The following SAMD5 variants were observed in gnomAD, a reference collection of about 807,000 sequenced individuals.
SAMD5 encodes sterile alpha motif domain-containing protein 5.
A neutral mutation model predicts 11.3 loss-of-function variants in SAMD5; 13 were observed. The observed-to-expected ratio is 1.15, with a 90% CI of 0.75 to 1.83. SAMD5 has a LOEUF of 1.83. Ranked by LOEUF, SAMD5 falls within the 40% of genes most tolerant of loss-of-function variation. The pLI, the probability that SAMD5 is intolerant of heterozygous loss-of-function variation, is 0.00. For synonymous variants in SAMD5, 129 were observed against 111.3 expected (o/e 1.16, Z -1.00); for missense variants, 255 against 239.1 (o/e 1.07, Z -0.44).
chr6:147,616,831 A>G (rs1789880523), intron 1 of SAMD5, among the ~76,000 whole-genome samples: 1 of 152,224 alleles, frequency 6.6e-6, no homozygotes, highest in Admixed American at 6.5e-5. Context: ...CTTTTAAACC[A>G]TCAGATTTTG....
chr6:147,751,081 C>T, the SAMD5 span, among the ~76,000 whole-genome samples: 5 of 152,300 alleles, frequency 3.3e-5, no homozygotes, highest in South Asian at 2.1e-4. Flanking sequence ...GACACATCTC[C>T]TTTCTGCTCC....
At chr6:147,656,602 A>G (rs10457815) in intron 1 of SAMD5, among the ~76,000 whole-genome samples, 42,481 of 152,144 alleles carry the variant, frequency 0.28, 7,299 homozygotes, top group Middle Eastern at 0.39. Context: ...GAAAGACAAC[A>G]TATGAAAAGA....
intron 1 of SAMD5, among the ~76,000 whole-genome samples, chr6:147,582,257 C>T (rs190775827): frequency 6.6e-6 from 1 of 151,724 alleles, no homozygotes; most frequent in Non-Finnish European, 1.5e-5. Context: ...TACTTGGCTA[C>T]CTGGGAGGCT....
chr6:147,578,716 G>A (rs1329820789), intron 1 of SAMD5, among the ~76,000 whole-genome samples: 1 of 152,020 alleles, frequency 6.6e-6, no homozygotes, highest in African/African-American at 2.4e-5. Flanking sequence ...CAAATATATG[G>A]CAGGTGTTAA....
At chr6:147,829,750 C>T in the SAMD5 span, among the ~76,000 whole-genome samples, 7,702 of 151,990 alleles carry the variant, frequency 0.051, 646 homozygotes, top group African/African-American at 0.17. Flanking sequence ...GTGGAGGCAG[C>T]CATGTGAGTT....
chr6:147,537,382 A>AT (rs1396913602), intron 1 of SAMD5, among the ~76,000 whole-genome samples: 8 of 152,214 alleles, frequency 5.3e-5, no homozygotes, highest in African/African-American at 1.9e-4. Context: ...AACACTGGAT[A>AT]TCACGAAATA....
At chr6:147,575,053 G>A (rs1789198467) in intron 1 of SAMD5, among the ~76,000 whole-genome samples, 1 of 152,198 alleles carries the variant, frequency 6.6e-6, no homozygotes, top group Admixed American at 6.5e-5. Flanking sequence ...TACTGATAGA[G>A]TTATCTTAGG....
chr6:147,824,539 T>C, the SAMD5 span, among the ~76,000 whole-genome samples: 2 of 152,168 alleles, frequency 1.3e-5, no homozygotes, highest in African/African-American at 2.4e-5. Context: ...GCTCTCCCAG[T>C]GCATTTAAAT....
intron 1 of SAMD5, among the ~76,000 whole-genome samples, chr6:147,601,817 G>A (rs530827452): frequency 2.0e-5 from 3 of 152,300 alleles, no homozygotes; most frequent in East Asian, 3.9e-4. Flanking sequence ...TTACTTCACC[G>A]TGAATGCAAT....
At chr6:147,640,251 G>T (rs1379048489) in intron 1 of SAMD5, among the ~76,000 whole-genome samples, 1 of 151,594 alleles carries the variant, frequency 6.6e-6, no homozygotes, top group African/African-American at 2.4e-5. Flanking sequence ...GCTTGAACCC[G>T]GGAGGTGAAG....
intron 1 of SAMD5, among the ~76,000 whole-genome samples, chr6:147,723,695 A>G (rs941269974): frequency 6.6e-6 from 1 of 152,156 alleles, no homozygotes; most frequent in African/African-American, 2.4e-5. Flanking sequence ...ATAAAACATA[A>G]GCCACTTTCT....
chr6:147,763,725 G>A, the SAMD5 span, among the ~76,000 whole-genome samples: 1 of 151,894 alleles, frequency 6.6e-6, no homozygotes, highest in Non-Finnish European at 1.5e-5. Context: ...TGGGACTACA[G>A]GCGCCCACCA....
the SAMD5 span, among the ~76,000 whole-genome samples, chr6:147,919,178 A>G: frequency 6.6e-6 from 1 of 152,174 alleles, no homozygotes; most frequent in Non-Finnish European, 1.5e-5. Flanking sequence ...GAGATGGTTG[A>G]AAAAAGGCAT....
intron 1 of SAMD5, among the ~76,000 whole-genome samples, chr6:147,597,077 T>C (rs1015258107): frequency 5.9e-5 from 9 of 152,172 alleles, no homozygotes; most frequent in Admixed American, 5.9e-4. Flanking sequence ...CATTATAGCA[T>C]GGGATGCCAT....
the SAMD5 span, among the ~76,000 whole-genome samples, chr6:147,827,895 T>C: frequency 4.0e-5 from 6 of 151,836 alleles, no homozygotes; most frequent in African/African-American, 1.5e-4. Flanking sequence ...GTTCACGCCA[T>C]TCTCCTGCCT....
chr6:147,877,760 C>G, the SAMD5 span, among the ~76,000 whole-genome samples: 2 of 151,516 alleles, frequency 1.3e-5, no homozygotes, highest in African/African-American at 4.9e-5. Flanking sequence ...AGACTGCCAG[C>G]CTGCCCTGCA....
At chr6:147,884,833 C>G in the SAMD5 span, among the ~76,000 whole-genome samples, 2 of 152,142 alleles carry the variant, frequency 1.3e-5, no homozygotes, top group African/African-American at 2.4e-5. Context: ...CTAAATATAA[C>G]TGCATGACTT....
intron 1 of SAMD5, among the ~76,000 whole-genome samples, chr6:147,675,440 G>A (rs1790849237): frequency 6.6e-6 from 1 of 152,068 alleles, no homozygotes; most frequent in Admixed American, 6.6e-5. Flanking sequence ...AAACATGACT[G>A]GCTCCCCAAC....
At chr6:147,582,973 A>G (rs957222731) in intron 1 of SAMD5, among the ~76,000 whole-genome samples, 25 of 152,212 alleles carry the variant, frequency 1.6e-4, no homozygotes, top group Non-Finnish European at 4.4e-5. Flanking sequence ...AGGCACATGG[A>G]GTGTGTTGGG....
Sources: allele counts gnomAD v4.1 joint callset (sites outside exome capture counted in the v4.1 genomes callset), GRCh38; gene constraint gnomAD v4.1.1; transcripts MANE v1.5; gene names NCBI Gene and HGNC (gene_info 2026-07-23, HGNC 2026-07-21).